Variants in CALN1 observed in about 807,000 individuals in gnomAD.
CALN1 encodes the protein calneuron 1, also known as calcium-binding protein 8.
Under a neutral mutation model 30.6 loss-of-function variants are expected in CALN1, and 17 were observed. The ratio of observed to expected loss-of-function variants is 0.56; its 90% CI spans 0.38 to 0.83. The LOEUF is 0.83. Ranked by LOEUF, CALN1 falls within the 40% of genes least tolerant of loss-of-function variation. CALN1 has a pLI of 0.00. For missense variants in CALN1, 291 were observed against 354.9 expected, an observed-to-expected ratio of 0.82 and a Z score of 1.45; for synonymous variants, 156 against 131.4, an observed-to-expected ratio of 1.19 and a Z score of -1.28.
chr7:72,402,189 G>A (rs1806388695), intron 2 of CALN1, among the ~76,000 whole-genome samples: 1 of 152,140 alleles, frequency 6.6e-6, no homozygotes, highest in South Asian at 2.1e-4. Context: ...CGTTCTCTTG[G>A]CCAGGGGTCT....
chr7:71,873,115 T>TGCCTCA (rs1237826058), intron 5 of CALN1, among the ~76,000 whole-genome samples: 1 of 151,418 alleles, frequency 6.6e-6, no homozygotes, highest in Non-Finnish European at 1.5e-5. Context: ...GCGATTCTCC[T>TGCCTCA]GCCTCAGCGT....
chr7:71,827,740 C>G (rs956780514), intron 5 of CALN1, among the ~76,000 whole-genome samples: 6 of 151,052 alleles, frequency 4.0e-5, no homozygotes, highest in Non-Finnish European at 2.9e-5. Context: ...CCACTGCACT[C>G]CAGCCTGGGT....
chr7:71,846,395 C>T (rs1465976729), intron 5 of CALN1, among the ~76,000 whole-genome samples: 1 of 152,072 alleles, frequency 6.6e-6, no homozygotes, highest in African/African-American at 2.4e-5. Flanking sequence ...ACAGATTCTT[C>T]AGGAGGAAGA....
At chr7:72,503,435 T>C in the CALN1 span, among the ~76,000 whole-genome samples, 1 of 152,048 alleles carries the variant, frequency 6.6e-6, no homozygotes, top group Non-Finnish European at 1.5e-5. Context: ...TTGCTTCTCA[T>C]AGGATTTCCA....
chr7:71,852,642 C>T (rs188026001), intron 5 of CALN1, among the ~76,000 whole-genome samples: 230 of 152,216 alleles, frequency 1.5e-3, no homozygotes, highest in African/African-American at 5.4e-3. Flanking sequence ...AAACAGTTTT[C>T]CAAAGTGATC....
At chr7:72,124,450 G>A (rs1808601659) in intron 3 of CALN1, among the ~76,000 whole-genome samples, 1 of 152,042 alleles carries the variant, frequency 6.6e-6, no homozygotes, top group African/African-American at 2.4e-5. Flanking sequence ...GACCAGCTTG[G>A]GTAACACAGC....
intron 2 of CALN1, among the ~76,000 whole-genome samples, chr7:72,373,926 C>G (rs1041164024): frequency 2.6e-5 from 4 of 152,038 alleles, no homozygotes; most frequent in Non-Finnish European, 5.9e-5. Flanking sequence ...GGATTTCTCA[C>G]GTGGAATCAT....
chr7:72,302,556 G>A (rs1021932496), intron 2 of CALN1, among the ~76,000 whole-genome samples: 1 of 152,042 alleles, frequency 6.6e-6, no homozygotes, highest in African/African-American at 2.4e-5. Context: ...GGAGGTGCAG[G>A]CATTCCAGAT....
chr7:72,335,977 G>A (rs571131522), intron 2 of CALN1, among the ~76,000 whole-genome samples: 14 of 152,324 alleles, frequency 9.2e-5, no homozygotes, highest in African/African-American at 3.4e-4. Flanking sequence ...AGGAACCCGA[G>A]TAAACCCAGA....
rs558648302 is a variant in CALN1, at chr7:71,844,300, T to C, written c.502-33808A>G. Among the ~76,000 whole-genome samples the C allele has an allele frequency of 3.9e-5, 6 of 152,264 alleles. No homozygotes were observed. In the South Asian group the frequency reaches 1.2e-3, roughly 32 times the overall value. ...AATAGCTTGGAGCAAGGCCCAATTTTTTCTGATTTAATCTTACCTGCCTTC... is the reference window on the plus strand; with the variant it reads ...AATAGCTTGGAGCAAGGCCCAATTTCTTCTGATTTAATCTTACCTGCCTTC... On this transcript the variant is annotated intron_variant, in intron 5 of 6. Transcript: ENST00000395275.
intron 5 of CALN1, among the ~76,000 whole-genome samples, chr7:71,865,122 G>C (rs1791512270): frequency 6.6e-6 from 1 of 152,182 alleles, no homozygotes; most frequent in African/African-American, 2.4e-5. Context: ...TTTGATAATG[G>C]TTTGGCTCTG....
At chr7:72,448,053 T>C (rs1199135717), upstream of CALN1, among the ~76,000 whole-genome samples, 2 of 150,974 alleles carry the variant, frequency 1.3e-5, no homozygotes, top group Non-Finnish European at 3.0e-5. Flanking sequence ...TGCCTGCTCA[T>C]GCACACTCAC....
chr7:72,467,633 G>A, the CALN1 span, among the ~76,000 whole-genome samples: 162 of 152,238 alleles, frequency 1.1e-3, no homozygotes, highest in Middle Eastern at 3.4e-3. Context: ...AGAGCTGGCC[G>A]TCCATAGCCC....
At chr7:72,473,471 AT>A in the CALN1 span, among the ~76,000 whole-genome samples, 1 of 152,148 alleles carries the variant, frequency 6.6e-6, no homozygotes, top group Non-Finnish European at 1.5e-5. Flanking sequence ...CTTCAACGAG[AT>A]TTTTGGCTGA....
At chr7:72,393,966 G>T (rs760975285) in intron 2 of CALN1, among the ~76,000 whole-genome samples, 6 of 152,124 alleles carry the variant, frequency 3.9e-5, no homozygotes, top group Non-Finnish European at 8.8e-5. Flanking sequence ...TCAAGTTGTG[G>T]CATGTTTTAT....
intron 3 of CALN1, among the ~76,000 whole-genome samples, chr7:72,198,031 G>A (rs769104833): frequency 3.3e-5 from 5 of 152,156 alleles, no homozygotes; most frequent in Admixed American, 3.3e-4. Context: ...CCTCTTTGGA[G>A]GGGAAGTGCC....
intron 3 of CALN1, among the ~76,000 whole-genome samples, chr7:72,157,736 A>T (rs78499384): frequency 0.01 from 1,575 of 151,908 alleles, 25 homozygotes; most frequent in African/African-American, 0.035. Context: ...TTAGTCAGTT[A>T]GTTTGTTTGT....
intron 3 of CALN1, among the ~76,000 whole-genome samples, chr7:72,186,272 A>C (rs1426459630): frequency 6.6e-6 from 1 of 152,106 alleles, no homozygotes; most frequent in East Asian, 1.9e-4. Flanking sequence ...TGGTGACTGT[A>C]GTTACAGCAG....
rs574231476 is a variant in CALN1 at position 72,114,158 on chromosome 7, A to C, written c.245-7864T>G. 4.9e-4 allele frequency among the ~76,000 whole-genome samples: 74 copies of C among 151,360 alleles called. 1 individual carries two copies. The highest frequency in any genetic ancestry group is 1.6e-3 in the African/African-American group (68 of 41,360). On this transcript the variant is annotated intron_variant, in intron 3 of 6. Transcript: ENST00000395275. ...CATTTTGGGAGGCTGAGGTGGGTGG[A>C]ACACTTGAGGTCAGGAGTTTGAGTC...
Sources: allele counts gnomAD v4.1 joint callset (sites outside exome capture counted in the v4.1 genomes callset), GRCh38; gene constraint gnomAD v4.1.1; transcripts MANE v1.5; gene names NCBI Gene and HGNC (gene_info 2026-07-23, HGNC 2026-07-21).